Variants in ZPLD1 observed in about 807,000 individuals in gnomAD.
ZPLD1 encodes the protein zona pellucida-like domain-containing protein 1.
Under a neutral mutation model 47.2 loss-of-function variants are expected in ZPLD1, and 34 were observed. The observed-to-expected ratio is 0.72, with a 90% CI of 0.55 to 0.96. ZPLD1 has a LOEUF of 0.96. ZPLD1 is among the 40% of genes least tolerant of loss of function. The probability of loss-of-function intolerance (pLI) is 0.00; values close to 1 mark genes in which losing one functional copy is unlikely to be tolerated. For synonymous variants in ZPLD1, 176 were observed against 186.2 expected, an observed-to-expected ratio of 0.95 and a Z score of 0.45; for missense variants, 512 against 505.8, an observed-to-expected ratio of 1.01 and a Z score of -0.12.
intron 7 of ZPLD1, among the ~76,000 whole-genome samples, chr3:102,413,002 A>T (rs1484476473): frequency 6.6e-6 from 1 of 151,776 alleles, no homozygotes; most frequent in East Asian, 1.9e-4. Flanking sequence ...TGACATTTGA[A>T]AAATTTGAAG....
Position 102,477,770 on chromosome 3 carries a change from G to C in ZPLD1, c.*152G>C. 1 of 694,376 alleles carries C rather than the reference G, an allele frequency of 1.4e-6. No homozygotes were observed. Among genetic ancestry groups the C allele is most frequent in the Non-Finnish European group, 2.2e-6 (1 of 461,380 alleles). 43.0% of individuals were successfully genotyped at this position (694,376 alleles called of 1,614,324 possible). A position where few individuals can be genotyped will look rare whatever the true frequency, so the allele number is the denominator to read the frequency against. On this transcript the variant is annotated 3_prime_UTR_variant, in exon 12 of 12. Coordinates refer to ENST00000466937, the MANE Select transcript of ZPLD1 (RefSeq NM_001329788.2). ...TATAGCTTGTCAGCATAATGATAGT[G>C]AAAGAAGTTTATTATATTGCTATTG...
chr3:102,385,421 T>C (rs1436586913), intron 6 of ZPLD1: 1 of 152,244 alleles, frequency 6.6e-6, no homozygotes, highest in Non-Finnish European at 1.5e-5. Flanking sequence ...CATTAATCTT[T>C]GGATTTTTCC....
intron 5 of ZPLD1, among the ~76,000 whole-genome samples, chr3:102,457,406 C>G (rs1393108121): frequency 3.3e-5 from 5 of 152,106 alleles, no homozygotes; most frequent in Non-Finnish European, 1.5e-5. Flanking sequence ...ATTTACCATC[C>G]AATGTTCTAG....
chr3:102,431,901 C>A (rs1707020141), upstream of ZPLD1, among the ~76,000 whole-genome samples: 1 of 152,140 alleles, frequency 6.6e-6, no homozygotes, highest in South Asian at 2.1e-4. Context: ...AAGAATGAAA[C>A]TCTGTCTCAC....
At chr3:102,424,952 A>G (rs1706924721) in intron 8 of ZPLD1, among the ~76,000 whole-genome samples, 1 of 152,104 alleles carries the variant, frequency 6.6e-6, no homozygotes, top group South Asian at 2.1e-4. Flanking sequence ...AGGAATTAGT[A>G]AAACTCTCCA....
intron 7 of ZPLD1, among the ~76,000 whole-genome samples, chr3:102,399,448 C>T (rs1004668810): frequency 7.9e-5 from 12 of 151,980 alleles, no homozygotes; most frequent in African/African-American, 2.9e-4. Context: ...TTTGTTGTCA[C>T]CTAAGGCTTT....
At chr3:102,388,084 T>C (rs1015721054) in intron 6 of ZPLD1, among the ~76,000 whole-genome samples, 1 of 152,050 alleles carries the variant, frequency 6.6e-6, no homozygotes, top group African/African-American at 2.4e-5. Flanking sequence ...ATGGTCTCGA[T>C]TTCCTGACCT....
chr3:102,430,687 T>G (rs1418065820), upstream of ZPLD1, among the ~76,000 whole-genome samples: 1 of 152,222 alleles, frequency 6.6e-6, no homozygotes, highest in Admixed American at 6.5e-5. Context: ...TGAACATACA[T>G]TTGAATATCG....
chr3:102,402,385 T>C (rs1056408453), intron 7 of ZPLD1, among the ~76,000 whole-genome samples: 13 of 152,188 alleles, frequency 8.5e-5, no homozygotes, highest in African/African-American at 2.6e-4. Context: ...CACTTTTAAT[T>C]GTACCAAAGC....
At chr3:102,416,266 T>C (rs1706803262) in intron 7 of ZPLD1, among the ~76,000 whole-genome samples, 1 of 151,974 alleles carries the variant, frequency 6.6e-6, no homozygotes, top group South Asian at 2.1e-4. Context: ...TGAAAGCCTG[T>C]AATGGAATTA....
Position 102,469,110 on chromosome 3 carries a change from C to CAGAT in ZPLD1, c.909_912dup (p.Asp305ArgfsTer2), listed in dbSNP as rs747210905. ...CACTGCGTTACCAAGCTCTGCAGAGCAGATGACTGCCCCTTCCTTATGCCG... is the reference window on the plus strand; with the variant it reads ...CACTGCGTTACCAAGCTCTGCAGAGCAGATAGATGACTGCCCCTTCCTTATGCCG... On this transcript the variant is annotated frameshift_variant, in exon 9 of 12. Transcript: ENST00000466937. LOFTEE classifies it high-confidence loss of function. 2 of 1,613,378 alleles carry CAGAT rather than the reference C, an allele frequency of 1.2e-6. No homozygotes were observed. The highest frequency in any genetic ancestry group is 1.7e-6 in the Non-Finnish European group (2 of 1,179,764).
chr3:102,477,551 C>G lies in ZPLD1; in HGVS notation c.1181C>G (p.Ala394Gly). The G allele has an allele frequency of 6.2e-7, 1 of 1,613,776 alleles. No homozygotes were observed. Among genetic ancestry groups the G allele is most frequent in the Non-Finnish European group, 8.5e-7 (1 of 1,179,756 alleles). The part of the protein sequence containing the change: ...TSFSLLLCSL[A>G]LLHRKGPTSL... ...TTTTCTCTTCTTCTGTGCTCACTGG[C>G]CCTTCTGCACAGGAAGGGACCCACA... Residue 394 changes from alanine (A) to glycine (G), a missense_variant, in exon 12 of 12, where the codon GCC (alanine) becomes GGC (glycine). Ala to Gly is a moderately conservative substitution (Grantham distance 60). Transcript: ENST00000466937.
chr3:102,455,947 C>A (rs2107339380), intron 4 of ZPLD1, among the ~76,000 whole-genome samples: 1 of 152,226 alleles, frequency 6.6e-6, no homozygotes, highest in East Asian at 1.9e-4. Flanking sequence ...CCCTTCGAAC[C>A]TATAATCTCC....
chr3:102,422,304 G>A (rs1454986475), intron 8 of ZPLD1, among the ~76,000 whole-genome samples: 1 of 151,936 alleles, frequency 6.6e-6, no homozygotes, highest in Non-Finnish European at 1.5e-5. Context: ...GAGACATTTG[G>A]CAATGTCTGA....
At chr3:102,467,750 T>C (rs1707618316) in intron 8 of ZPLD1, among the ~76,000 whole-genome samples, 1 of 151,842 alleles carries the variant, frequency 6.6e-6, no homozygotes. Flanking sequence ...CCTTTAAAAC[T>C]TTGGAGTAAG....
At position 102,443,621 on chromosome 3, in the gene ZPLD1, G is replaced by A. The variant is rs78347492; in HGVS notation, c.106+5028G>A. 7.1e-3 allele frequency among the ~76,000 whole-genome samples: 1,076 copies of A among 151,994 alleles called. 16 individuals are homozygous for A. The highest frequency in any genetic ancestry group is 8.7e-3 in the Non-Finnish European group (593 of 67,982). On this transcript the variant is annotated intron_variant, in intron 3 of 11. Transcript: ENST00000466937. The stretch of plus-strand genomic sequence containing the variant: ...GCTTGACTAAGGAAATCTTTTATTC[G>A]GTAATATTTTTAATATTTTAATATT...
At chr3:102,425,793 T>C (rs894941846) in intron 8 of ZPLD1, among the ~76,000 whole-genome samples, 1 of 151,832 alleles carries the variant, frequency 6.6e-6, no homozygotes, top group African/African-American at 2.4e-5. Flanking sequence ...ATGCTTTCAT[T>C]CTCCAATATC....
chr3:102,420,227 T>G (rs1485178192), intron 8 of ZPLD1, among the ~76,000 whole-genome samples: 2 of 151,988 alleles, frequency 1.3e-5, no homozygotes, highest in Non-Finnish European at 2.9e-5. Context: ...CATGGTTTTT[T>G]ATTGCTAATG....
upstream of ZPLD1, among the ~76,000 whole-genome samples, chr3:102,430,986 A>C (rs1011434251): frequency 6.6e-6 from 1 of 152,228 alleles, no homozygotes; most frequent in Non-Finnish European, 1.5e-5. Flanking sequence ...GAAGAATAAA[A>C]TGTGCAAATA....
Sources: allele counts gnomAD v4.1 joint callset (sites outside exome capture counted in the v4.1 genomes callset), GRCh38; gene constraint gnomAD v4.1.1; transcripts MANE v1.5; gene names NCBI Gene and HGNC (gene_info 2026-07-23, HGNC 2026-07-21).